Variants in SGMS1 observed in about 807,000 individuals in gnomAD.
The protein encoded by SGMS1 is phosphatidylcholine:ceramide cholinephosphotransferase 1.
In SGMS1, 13 loss-of-function variants were observed where a neutral mutation model predicts 46.2. The ratio of observed to expected loss-of-function variants is 0.28; its 90% CI spans 0.18 to 0.45. The LOEUF (loss-of-function observed/expected upper bound fraction) is 0.45, where lower values mean the gene tolerates loss of function less well. Among genes scored for constraint, SGMS1 ranks in the 20% least tolerant of loss-of-function variants. The pLI is 1.00. For synonymous variants in SGMS1, 203 were observed against 187.8 expected, an observed-to-expected ratio of 1.08 and a Z score of -0.66; for missense variants, 324 against 519.9, an observed-to-expected ratio of 0.62 and a Z score of 3.66.
rs146259264 is a variant in SGMS1 at position 50,575,914 on chromosome 10, CAT to C, written c.-589+14237_-589+14238del. Among the ~76,000 whole-genome samples, 1,145 of 152,218 alleles carry C rather than the reference CAT, an allele frequency of 7.5e-3. 12 individuals carry two copies. The highest frequency in any genetic ancestry group is 0.026 in the African/African-American group (1,083 of 41,528). ...AGAAGTATAACTGTTCATGTTAACA[CAT>C]GTTTCTGATCTTCCCAGAGCTGTTT... On this transcript the variant is annotated intron_variant, in intron 2 of 10. Transcript: ENST00000361781.
At chr10:50,380,003 T>C (rs1307871094) in intron 6 of SGMS1, among the ~76,000 whole-genome samples, 1 of 152,184 alleles carries the variant, frequency 6.6e-6, no homozygotes, top group East Asian at 1.9e-4. Context: ...CCAGGACCTA[T>C]ATCTCGGTCA....
chr10:50,384,008 C>T (rs1483239181), intron 6 of SGMS1, among the ~76,000 whole-genome samples: 1 of 152,146 alleles, frequency 6.6e-6, no homozygotes, highest in Non-Finnish European at 1.5e-5. Context: ...TAGAGGACTT[C>T]TTCAACCCTT....
At chr10:50,439,166 TAA>T (rs932604147) in intron 5 of SGMS1, among the ~76,000 whole-genome samples, 2 of 152,220 alleles carry the variant, frequency 1.3e-5, no homozygotes, top group African/African-American at 2.4e-5. Flanking sequence ...AATTTTTATC[TAA>T]GTTTTTCTAA....
At chr10:50,487,772 G>A (rs999925420) in intron 3 of SGMS1, among the ~76,000 whole-genome samples, 1 of 151,856 alleles carries the variant, frequency 6.6e-6, no homozygotes, top group Admixed American at 6.6e-5. Context: ...CTAATTCAGT[G>A]CTTTGTGGAG....
At chr10:50,332,621 T>C (rs1477672069) in intron 7 of SGMS1, among the ~76,000 whole-genome samples, 3 of 133,030 alleles carry the variant, frequency 2.3e-5, no homozygotes, top group African/African-American at 8.7e-5. Flanking sequence ...CTTTTTTTTT[T>C]TTTTTTTTTT....
chr10:50,365,553 T>C (rs1425367846), intron 6 of SGMS1, among the ~76,000 whole-genome samples: 2 of 151,786 alleles, frequency 1.3e-5, no homozygotes, highest in Non-Finnish European at 2.9e-5. Context: ...CACATGCATT[T>C]GTTATTTGTC....
chr10:50,418,226 C>T (rs1449011180), intron 6 of SGMS1: 3 of 152,158 alleles, frequency 2.0e-5, no homozygotes, highest in Non-Finnish European at 4.4e-5. Context: ...TGCTGGGCGC[C>T]CGCGCCTTGA....
intron 2 of SGMS1, among the ~76,000 whole-genome samples, chr10:50,529,541 G>A (rs550607166): frequency 6.6e-6 from 1 of 152,268 alleles, no homozygotes; most frequent in South Asian, 2.1e-4. Flanking sequence ...AGAAAACGTG[G>A]AATTACAGGA....
intron 6 of SGMS1, among the ~76,000 whole-genome samples, chr10:50,363,239 G>A (rs1263215138): frequency 6.6e-6 from 1 of 152,224 alleles, no homozygotes; most frequent in African/African-American, 2.4e-5. Flanking sequence ...GAGAACAGAA[G>A]AGGAGAAAAC....
At chr10:50,403,476 G>A (rs1589425645) in intron 6 of SGMS1, among the ~76,000 whole-genome samples, 1 of 152,036 alleles carries the variant, frequency 6.6e-6, no homozygotes, top group Non-Finnish European at 1.5e-5. Flanking sequence ...ATCTTCATTC[G>A]AGTTCTCTAT....
chr10:50,590,541 T>G (rs2131891642), intron 1 of SGMS1: 1 of 152,306 alleles, frequency 6.6e-6, no homozygotes, highest in South Asian at 2.1e-4. Context: ...AAATAAAAAT[T>G]ACATATATTT....
intron 2 of SGMS1, among the ~76,000 whole-genome samples, chr10:50,547,277 T>C (rs888343696): frequency 8.6e-5 from 13 of 152,024 alleles, no homozygotes; most frequent in African/African-American, 3.1e-4. Context: ...TTTTAAAAAT[T>C]CAGACCATAT....
intron 2 of SGMS1, among the ~76,000 whole-genome samples, chr10:50,557,601 C>CA (rs1176246976): frequency 2.4e-3 from 168 of 69,046 alleles, no homozygotes; most frequent in Middle Eastern, 0.011. Context: ...AGAAGAAATG[C>CA]AAAAAAAAAA....
intron 6 of SGMS1, among the ~76,000 whole-genome samples, chr10:50,415,196 G>A (rs1849152859): frequency 6.6e-6 from 1 of 152,186 alleles, no homozygotes; most frequent in Non-Finnish European, 1.5e-5. Flanking sequence ...TACTTGTCCA[G>A]TAACATTATT....
At chr10:50,436,135 C>T (rs562029072) in intron 5 of SGMS1, among the ~76,000 whole-genome samples, 12 of 152,126 alleles carry the variant, frequency 7.9e-5, no homozygotes, top group East Asian at 3.9e-4. Context: ...GACATAGTCT[C>T]GCTCTGTCGC....
chr10:50,438,082 T>A (rs2133629546), intron 5 of SGMS1, among the ~76,000 whole-genome samples: 1 of 152,302 alleles, frequency 6.6e-6, no homozygotes, highest in South Asian at 2.1e-4. Flanking sequence ...TGCTATTAAG[T>A]AGGAGAATGG....
At chr10:50,389,843 A>G (rs1309598603) in intron 6 of SGMS1, among the ~76,000 whole-genome samples, 4 of 152,244 alleles carry the variant, frequency 2.6e-5, no homozygotes, top group African/African-American at 9.6e-5. Flanking sequence ...ACTGTTCCTA[A>G]GCAATTTAGG....
chr10:50,467,702 G>T (rs1343476794), intron 3 of SGMS1, among the ~76,000 whole-genome samples: 1 of 152,150 alleles, frequency 6.6e-6, no homozygotes, highest in Non-Finnish European at 1.5e-5. Flanking sequence ...TTGCCTGTTG[G>T]GCTAGGTATA....
chr10:50,435,681 G>GT (rs1206926264), intron 5 of SGMS1, among the ~76,000 whole-genome samples: 57 of 152,078 alleles, frequency 3.7e-4, no homozygotes, highest in African/African-American at 1.3e-3. Flanking sequence ...AATTCTTCTG[G>GT]TGTACATTCT....
Sources: allele counts gnomAD v4.1 joint callset (sites outside exome capture counted in the v4.1 genomes callset), GRCh38; gene constraint gnomAD v4.1.1; transcripts MANE v1.5; gene names NCBI Gene and HGNC (gene_info 2026-07-23, HGNC 2026-07-21).